MYT1L: variants seen among roughly 807,000 people sequenced by gnomAD.
The protein encoded by MYT1L is myelin transcription factor 1-like protein.
MYT1L carries 12 observed loss-of-function variants against 126.7 expected under a neutral mutation model. The ratio of observed to expected loss-of-function variants is 0.09; its 90% CI spans 0.06 to 0.15. MYT1L has a LOEUF of 0.15. MYT1L is among the 10% of genes least tolerant of loss of function. The probability of loss-of-function intolerance (pLI) is 1.00; values close to 1 mark genes in which losing one functional copy is unlikely to be tolerated. For synonymous variants in MYT1L, 541 were observed against 604.2 expected, an observed-to-expected ratio of 0.90 and a Z score of 1.53; for missense variants, 979 against 1,585.2, an observed-to-expected ratio of 0.62 and a Z score of 6.49.
intron 4 of MYT1L, among the ~76,000 whole-genome samples, chr2:2,008,852 AT>A (rs995854366): frequency 1.3e-5 from 2 of 151,658 alleles, no homozygotes; most frequent in Non-Finnish European, 2.9e-5. Flanking sequence ...AGTTATTATT[AT>A]TTTTTTTAAT....
chr2:2,043,624 C>T lies in MYT1L; in HGVS notation c.-158+10354G>A, dbSNP rs1051521444. 4.6e-5 allele frequency among the ~76,000 whole-genome samples: 7 copies of T among 152,166 alleles called. No individual in the cohort carries two copies. The South Asian group carries it at 6.2e-4, about 13-fold the overall frequency. ...CCACTGTCTGTGTGGCCTCCTCCCCCAATGGGTCCATGTCTTACTCATGGG... is the reference window on the plus strand; with the variant it reads ...CCACTGTCTGTGTGGCCTCCTCCCCTAATGGGTCCATGTCTTACTCATGGG... On this transcript the variant is annotated intron_variant, in intron 4 of 24. Coordinates refer to ENST00000647738, the MANE Select transcript of MYT1L (RefSeq NM_001303052.2).
intron 2 of MYT1L, among the ~76,000 whole-genome samples, chr2:2,202,183 T>G (rs2093109391): frequency 6.6e-6 from 1 of 151,864 alleles, no homozygotes. Flanking sequence ...AGATCTAAAA[T>G]TGACACCCTA....
intron 18 of MYT1L, among the ~76,000 whole-genome samples, chr2:1,881,354 TCGTGTGTG>T (rs1031968520): frequency 9.0e-6 from 1 of 111,464 alleles, no homozygotes; most frequent in African/African-American, 3.6e-5. Flanking sequence ...GTTTGCAGGT[TCGTGTGTG>T]TGTGTGTGTG....
chr2:2,230,452 T>A (rs1353836542), intron 2 of MYT1L, among the ~76,000 whole-genome samples: 3 of 152,226 alleles, frequency 2.0e-5, no homozygotes, highest in Non-Finnish European at 4.4e-5. Context: ...CAATTCAGGA[T>A]TATGAATCGC....
chr2:2,176,939 C>T (rs1248551494), intron 2 of MYT1L, among the ~76,000 whole-genome samples: 1 of 152,206 alleles, frequency 6.6e-6, no homozygotes, highest in Admixed American at 6.5e-5. Context: ...AATAATCTAT[C>T]CTCTAGTTTA....
rs931451703 is a variant in MYT1L at position 1,911,106 on chromosome 2, T to C, written c.1710-759A>G. On this transcript the variant is annotated intron_variant, in intron 12 of 24. Transcript: ENST00000647738. ...TGAGGTTTGACGGAGGCCCTGACGC[T>C]GCGGATGCTGCATCGAACAGCACAC... 1.3e-5 allele frequency among the ~76,000 whole-genome samples: 2 copies of C among 152,180 alleles called. 1 individual carries two copies. The highest frequency in any genetic ancestry group is 4.1e-4 in the South Asian group (2 of 4,822).
intron 1 of MYT1L, among the ~76,000 whole-genome samples, chr2:2,320,227 T>G (rs1036793597): frequency 2.0e-5 from 3 of 152,028 alleles, no homozygotes; most frequent in African/African-American, 7.2e-5. Flanking sequence ...GAGTGACGTG[T>G]AAAAGCCCCA....
At chr2:1,818,033 A>C (rs1000685958) in intron 21 of MYT1L, among the ~76,000 whole-genome samples, 1 of 151,780 alleles carries the variant, frequency 6.6e-6, no homozygotes, top group African/African-American at 2.4e-5. Flanking sequence ...TTCCAGATGA[A>C]GGTTCCAGCG....
rs2060469967 is a variant in MYT1L, at chr2:1,979,830, C to A, written c.1-53G>T. 6.3e-7 allele frequency: 1 copy of A among 1,577,862 alleles called. No individual in the cohort carries two copies. Among genetic ancestry groups the A allele is most frequent in the Non-Finnish European group, 8.7e-7 (1 of 1,148,432 alleles). On this transcript the variant is annotated intron_variant, in intron 5 of 24. Coordinates refer to ENST00000647738, the MANE Select transcript of MYT1L (RefSeq NM_001303052.2). The surrounding 1 kb of genome is among the most constrained non-coding windows in gnomAD (Gnocchi z 4.0). ...TGCTTATCCTGCCTGTGCAGGCCAG[C>A]CCTGCAGGGGCGGCTCACTCTCCCT...
intron 3 of MYT1L, among the ~76,000 whole-genome samples, chr2:2,122,227 T>A (rs1387331699): frequency 6.6e-6 from 1 of 152,192 alleles, no homozygotes; most frequent in Non-Finnish European, 1.5e-5. Flanking sequence ...GAGTGCTACT[T>A]CTTCCTGTAT....
At chr2:1,807,827 T>C (rs983571906) in intron 22 of MYT1L, among the ~76,000 whole-genome samples, 2 of 152,170 alleles carry the variant, frequency 1.3e-5, no homozygotes. Context: ...AAAACCCTGT[T>C]AATATGGTTT....
intron 11 of MYT1L, among the ~76,000 whole-genome samples, chr2:1,916,048 C>A (rs2052775875): frequency 6.6e-6 from 1 of 152,130 alleles, no homozygotes; most frequent in African/African-American, 2.4e-5. Flanking sequence ...GGGATTGGAG[C>A]CACTCGCTCT....
chr2:2,052,848 G>A (rs1231943147), intron 4 of MYT1L, among the ~76,000 whole-genome samples: 2 of 152,140 alleles, frequency 1.3e-5, no homozygotes, highest in African/African-American at 4.8e-5. Context: ...ACCACTTTAT[G>A]GTGCAGCCAC....
chr2:1,865,282 C>T (rs1417856511), intron 18 of MYT1L, among the ~76,000 whole-genome samples: 1 of 152,158 alleles, frequency 6.6e-6, no homozygotes, highest in Non-Finnish European at 1.5e-5. Flanking sequence ...TCCAGCCCAG[C>T]TGCTTGCACA....
intron 2 of MYT1L, among the ~76,000 whole-genome samples, chr2:2,225,703 TGAA>T (rs1163654272): frequency 6.6e-6 from 1 of 151,888 alleles, no homozygotes; most frequent in African/African-American, 2.4e-5. Context: ...TGGGGGCAGG[TGAA>T]GTAGAATCTG....
intron 2 of MYT1L, among the ~76,000 whole-genome samples, chr2:2,280,217 T>C (rs2095428480): frequency 6.6e-6 from 1 of 152,228 alleles, no homozygotes; most frequent in Non-Finnish European, 1.5e-5. Context: ...TTCCTGCTTA[T>C]ATGATGTCAA....
chr2:2,180,816 G>GCA (rs2091379768), intron 2 of MYT1L, among the ~76,000 whole-genome samples: 1 of 151,106 alleles, frequency 6.6e-6, no homozygotes, highest in African/African-American at 2.4e-5. Flanking sequence ...ATCCATACCT[G>GCA]TGTGTACCTG....
chr2:1,937,277 G>A (rs1000054695), intron 9 of MYT1L, among the ~76,000 whole-genome samples: 3 of 152,214 alleles, frequency 2.0e-5, no homozygotes, highest in Admixed American at 1.3e-4. Context: ...CCATCATTTC[G>A]CACATCAAGA....
At chr2:2,238,496 T>C (rs2094371765) in intron 2 of MYT1L, among the ~76,000 whole-genome samples, 1 of 152,186 alleles carries the variant, frequency 6.6e-6, no homozygotes. Context: ...ACAAAGTGTA[T>C]GGAGATTGTC....
Sources: allele counts gnomAD v4.1 joint callset (sites outside exome capture counted in the v4.1 genomes callset), GRCh38; gene constraint gnomAD v4.1.1; non-coding constraint Gnocchi (gnomAD v3.1); transcripts MANE v1.5; gene names NCBI Gene and HGNC (gene_info 2026-07-23, HGNC 2026-07-21).